The following CPD variants were observed in gnomAD, a reference collection of about 807,000 sequenced individuals.
CPD encodes the protein carboxypeptidase D.
CPD carries 69 observed loss-of-function variants against 138.3 expected under a neutral mutation model. That is an observed-to-expected ratio of 0.50 (90% CI 0.41 to 0.61). CPD has a LOEUF of 0.61. Ranked by LOEUF, CPD falls within the 20% of genes least tolerant of loss-of-function variation. CPD has a pLI of 0.00. For missense variants in CPD, 1,432 were observed against 1,733.3 expected, an observed-to-expected ratio of 0.83 and a Z score of 3.09; for synonymous variants, 651 against 642.1, an observed-to-expected ratio of 1.01 and a Z score of -0.21.
intron 2 of CPD, among the ~76,000 whole-genome samples, chr17:30,396,427 CTG>C (rs1424200623): frequency 6.6e-6 from 1 of 151,682 alleles, no homozygotes; most frequent in Non-Finnish European, 1.5e-5. Context: ...GAAGCATTGG[CTG>C]TATTTTTTCT....
chr17:30,444,620 T>C (rs1023536814), intron 11 of CPD, among the ~76,000 whole-genome samples: 7 of 150,678 alleles, frequency 4.6e-5, no homozygotes, highest in African/African-American at 1.5e-4. Flanking sequence ...GCCTCCTGGG[T>C]TCAAGGGATG....
chr17:30,393,932 G>A (rs1911422902), intron 2 of CPD, among the ~76,000 whole-genome samples: 1 of 152,030 alleles, frequency 6.6e-6, no homozygotes, highest in Admixed American at 6.6e-5. Flanking sequence ...CTTGAGGCCA[G>A]GAGTTTAAGA....
Position 30,467,574 on chromosome 17 carries a change from C to T in CPD, c.*2760C>T, listed in dbSNP as rs1913677193. The T allele has an allele frequency of 6.6e-6, 1 of 151,984 alleles. No homozygotes were observed. 9.4% of individuals were successfully genotyped at this position (151,984 alleles called of 1,614,324 possible). On this transcript the variant is annotated 3_prime_UTR_variant, in exon 21 of 21. Transcript: ENST00000225719. ...AAAGGAAACATATTGTATATTTGGC[C>T]CAGTGTGATTGATTGCTTTATCTTT... is the stretch of plus-strand genomic sequence containing the variant.
In CPD at chr17:30,379,459, A is replaced by C. The variant is rs910769351; in HGVS notation, c.479A>C (p.Tyr160Ser). ...IYLARELAAG[Y>S]RRGDPRLVRL... Reference sequence around the variant, plus strand: ...TTGGCCCGCGAGCTGGCGGCCGGCTACCGCCGCGGGGACCCGCGCCTGGTC... The same window carrying C: ...TTGGCCCGCGAGCTGGCGGCCGGCTCCCGCCGCGGGGACCCGCGCCTGGTC... Residue 160 changes from tyrosine (Y) to serine (S), a missense_variant, in exon 1 of 21, where the codon TAC becomes TCC. Physicochemically the swap from Tyr to Ser is moderately radical, Grantham distance 144. Coordinates refer to ENST00000225719, the MANE Select transcript of CPD (RefSeq NM_001304.5). This position sits in a 1 kb window ranked among gnomAD's most constrained non-coding sequence, Gnocchi z 7.0. The C allele has an allele frequency of 6.4e-7, 1 of 1,572,082 alleles. No homozygotes were observed. Among genetic ancestry groups the C allele is most frequent in the Non-Finnish European group, 8.6e-7 (1 of 1,166,280 alleles).
intron 2 of CPD, among the ~76,000 whole-genome samples, chr17:30,411,360 A>G (rs1301135974): frequency 1.3e-5 from 2 of 152,094 alleles, no homozygotes; most frequent in East Asian, 3.9e-4. Context: ...CTTGAGGAAT[A>G]TCTTTGTGGT....
rs1913008534 is a variant in CPD, at chr17:30,445,717, C to T, written c.2570C>T (p.Thr857Ile). 1 of 1,610,360 alleles carries T rather than the reference C, an allele frequency of 6.2e-7. No individual in the cohort carries two copies. The highest frequency in any genetic ancestry group is 2.2e-5 in the East Asian group (1 of 44,786). The change falls in exon 12 of 21, where the codon ACT (threonine) becomes ATT (isoleucine). Residue 857 changes from threonine to isoleucine, a missense_variant. Thr to Ile is a moderately conservative substitution (Grantham distance 89, BLOSUM62 -1). Transcript: ENST00000225719. The stretch of plus-strand genomic sequence containing the variant: ...TATAATCCAGTTACCAAGAATGTGA[C>T]TGTCAAGAGTGAAGGCGCTATTCAG... ...RGYNPVTKNV[T>I]VKSEGAIQVN...
At position 30,398,478 on chromosome 17, in the gene CPD, A is replaced by C. The variant is rs374333340; in HGVS notation, c.994+13242A>C. ...TTGAGCCAAATGACATATCAACTTAAAAAGATAAGCAAATATATTAACTGA... is the reference window on the plus strand; with the variant it reads ...TTGAGCCAAATGACATATCAACTTACAAAGATAAGCAAATATATTAACTGA... On this transcript the variant is annotated intron_variant, in intron 2 of 20. Transcript: ENST00000225719. 8.5e-5 allele frequency among the ~76,000 whole-genome samples: 13 copies of C among 152,302 alleles called. No homozygotes were observed. The East Asian group carries it at 1.5e-3, about 18-fold the overall frequency.
intron 2 of CPD, among the ~76,000 whole-genome samples, chr17:30,387,130 G>A (rs1177817981): frequency 6.6e-6 from 1 of 152,070 alleles, no homozygotes; most frequent in Non-Finnish European, 1.5e-5. Context: ...TGTTGTTGTT[G>A]TTTTCAGATG....
In CPD at chr17:30,469,686, A is replaced by G. The variant is rs563036122; in HGVS notation, c.*4872A>G. ...TGTGGTTCAATAGATTGTCTAAAGC[A>G]TGGCAGTAAAGTTTTAATTATGCCA... On this transcript the variant is annotated 3_prime_UTR_variant, in exon 21 of 21. Coordinates refer to ENST00000225719, the MANE Select transcript of CPD (RefSeq NM_001304.5). 25 of 152,348 alleles carry G rather than the reference A, an allele frequency of 1.6e-4. No homozygotes were observed. The highest frequency in any genetic ancestry group is 5.8e-4 in the African/African-American group (24 of 41,580). 9.4% of individuals were successfully genotyped at this position (152,348 alleles called of 1,614,324 possible). A position where few individuals can be genotyped will look rare whatever the true frequency, so the allele number is the denominator to read the frequency against.
At chr17:30,448,767 A>G (rs1339353128) in intron 12 of CPD, among the ~76,000 whole-genome samples, 1 of 152,122 alleles carries the variant, frequency 6.6e-6, no homozygotes, top group Non-Finnish European at 1.5e-5. Context: ...TGTTGCATTT[A>G]TAGTAAAATA....
At chr17:30,464,162 A>G (rs576501242) in intron 20 of CPD, among the ~76,000 whole-genome samples, 3 of 152,224 alleles carry the variant, frequency 2.0e-5, no homozygotes, top group African/African-American at 7.2e-5. Flanking sequence ...AGGCCGAGGC[A>G]GGTGGATCAC....
intron 2 of CPD, among the ~76,000 whole-genome samples, chr17:30,415,027 T>C (rs1912068308): frequency 6.6e-6 from 1 of 152,120 alleles, no homozygotes; most frequent in African/African-American, 2.4e-5. Flanking sequence ...ACCAAGGAAA[T>C]AAGTAGTAAG....
intron 2 of CPD, among the ~76,000 whole-genome samples, chr17:30,388,935 C>T (rs1336071472): frequency 6.6e-6 from 1 of 152,134 alleles, no homozygotes; most frequent in African/African-American, 2.4e-5. Flanking sequence ...GCAGAGCCTC[C>T]TCCCGAGCCC....
At chr17:30,456,385 T>C (rs1913294539) in intron 16 of CPD, 34 bp downstream of exon 16, 2 of 1,610,152 alleles carry the variant, frequency 1.2e-6, no homozygotes, top group Admixed American at 3.3e-5. Flanking sequence ...TTATTGCTGT[T>C]GTTGTTGTTG....
chr17:30,447,410 A>G (rs1275997898), intron 12 of CPD, among the ~76,000 whole-genome samples: 1 of 152,212 alleles, frequency 6.6e-6, no homozygotes, highest in African/African-American at 2.4e-5. Context: ...TGGGAACTTT[A>G]AGGAGAATTA....
intron 8 of CPD, among the ~76,000 whole-genome samples, chr17:30,437,436 A>G (rs1597724958): frequency 6.6e-6 from 1 of 152,064 alleles, no homozygotes; most frequent in Non-Finnish European, 1.5e-5. Flanking sequence ...TGTAATCTCA[A>G]CACTTTGGGA....
chr17:30,455,244 G>A (rs1597736591), intron 14 of CPD, 95 bp from the exon 15 acceptor site: 3 of 1,031,816 alleles, frequency 2.9e-6, no homozygotes, highest in African/African-American at 1.6e-5. Flanking sequence ...TTTTAAGTTA[G>A]CATTTTGATT....
intron 1 of CPD, among the ~76,000 whole-genome samples, chr17:30,384,304 A>T (rs1911125309): frequency 6.6e-6 from 1 of 152,170 alleles, no homozygotes; most frequent in Admixed American, 6.5e-5. Context: ...CTGGAGTGAA[A>T]CACAAAATAT....
chr17:30,422,557 T>C, intron 4 of CPD, 117 bp from the exon 5 acceptor site: 1 of 638,582 alleles, frequency 1.6e-6, no homozygotes, highest in South Asian at 2.5e-5. Context: ...TTTATTTAGT[T>C]TGAGTTTTGA....
Sources: gnomAD v4.1 joint callset for allele counts (sites outside exome capture counted in the v4.1 genomes callset) on GRCh38, gnomAD v4.1.1 for gene constraint, Gnocchi (gnomAD v3.1) non-coding constraint, MANE v1.5 for transcripts, NCBI Gene and HGNC (gene_info 2026-07-23, HGNC 2026-07-21) for gene names.